KLHL3: variants seen among roughly 807,000 people sequenced by gnomAD.
The protein encoded by KLHL3 is kelch like family member 3.
In KLHL3, 19 loss-of-function variants were observed where a neutral mutation model predicts 70.5. The ratio of observed to expected loss-of-function variants is 0.27; its 90% CI spans 0.19 to 0.40. The LOEUF (loss-of-function observed/expected upper bound fraction) is 0.40, where lower values mean the gene tolerates loss of function less well. Among genes scored for constraint, KLHL3 ranks in the 10% least tolerant of loss-of-function variants. The pLI, the probability that KLHL3 is intolerant of heterozygous loss-of-function variation, is 1.00. For missense variants in KLHL3, 512 were observed against 771.1 expected (o/e 0.66, Z 3.98); for synonymous variants, 258 against 290.3 (o/e 0.89, Z 1.13).
At chr5:137,660,349 T>C (rs1751442328) in intron 7 of KLHL3, among the ~76,000 whole-genome samples, 2 of 152,126 alleles carry the variant, frequency 1.3e-5, no homozygotes, top group African/African-American at 4.8e-5. Flanking sequence ...GGTCCCCAGG[T>C]TGCCAACCCT....
Position 137,720,485 on chromosome 5 carries a change from C to T in KLHL3, c.114G>A (p.Lys38=). ...AGTACCTCCGCAGTTCATTCATAACCTTGAATGCTTTCCCCATGTGGGCAG... is the reference window on the plus strand; with the variant it reads ...AGTACCTCCGCAGTTCATTCATAACTTTGAATGCTTTCCCCATGTGGGCAG... ...VNPAHMGKAF[K]VMNELRSKQL... The change falls in exon 2 of 15, where the codon AAG becomes AAA. Residue 38 remains lysine (K), a synonymous_variant. Coordinates refer to ENST00000309755, the MANE Select transcript of KLHL3 (RefSeq NM_017415.3). The T allele has an allele frequency of 6.2e-7, 1 of 1,614,150 alleles. No homozygotes were observed.
In KLHL3 at chr5:137,712,156, C is replaced by CAAAA. The variant is rs201519598; in HGVS notation, c.135-2304_135-2301dup. On this transcript the variant is annotated intron_variant, in intron 2 of 14. Coordinates refer to ENST00000309755, the MANE Select transcript of KLHL3 (RefSeq NM_017415.3). ...CCTGGGTGACAGAGCAAGATTCTGT[C>CAAAA]AAAAAAAAAAAAAAAAAAAAAAAAA... Among the ~76,000 whole-genome samples, 79 of 74,870 alleles carry CAAAA rather than the reference C, an allele frequency of 1.1e-3. 3 individuals are homozygous for CAAAA. The highest frequency in any genetic ancestry group is 4.3e-3 in the African/African-American group (79 of 18,358). 49.1% of individuals were successfully genotyped at this position (74,870 alleles called of 152,430 possible). A position where few individuals can be genotyped will look rare whatever the true frequency, so the allele number is the denominator to read the frequency against.
chr5:137,685,607 T>C (rs1412815060), intron 5 of KLHL3, among the ~76,000 whole-genome samples: 1 of 152,242 alleles, frequency 6.6e-6, no homozygotes, highest in East Asian at 1.9e-4. Flanking sequence ...TTGAATATAT[T>C]ACCTAAATGT....
rs190522033 is a variant in KLHL3 at position 137,647,455 on chromosome 5, T to C, written c.904-7478A>G. The C allele has an allele frequency of 1.0e-4, 47 of 459,994 alleles. No individual in the cohort carries two copies. The East Asian group carries it at 2.6e-3, about 25-fold the overall frequency. The allele number at this position is 459,994 out of a possible 1,614,324, so 28.5% of individuals were successfully genotyped here. A position where few individuals can be genotyped will look rare whatever the true frequency, so the allele number is the denominator to read the frequency against. On this transcript the variant is annotated intron_variant, in intron 8 of 14. Coordinates refer to ENST00000309755, the MANE Select transcript of KLHL3 (RefSeq NM_017415.3). ...CTGGCCTCAGGACTACATAGGTCAT[T>C]CAAATTTCTACTCAGGTGAGAGGAA...
At chr5:137,731,056 G>A (rs1753165920) in intron 1 of KLHL3, among the ~76,000 whole-genome samples, 2 of 151,614 alleles carry the variant, frequency 1.3e-5, no homozygotes, top group African/African-American at 2.4e-5. Context: ...GTTTGATGAT[G>A]GCAAATTTCA....
chr5:137,662,042 A>T lies in KLHL3; in HGVS notation c.637-11T>A, dbSNP rs768644772. On this transcript the variant is annotated splice_polypyrimidine_tract_variant and intron_variant, in intron 6 of 14. Transcript: ENST00000309755. ...CACAGCTTCAAACACCTATAAAGAA[A>T]AGCAACATGGGCAACTTCAGTAAAG... is the stretch of plus-strand genomic sequence containing the variant. 2 of 1,438,920 alleles carry T rather than the reference A, an allele frequency of 1.4e-6. No individual in the cohort carries two copies. The highest frequency in any genetic ancestry group is 2.0e-6 in the Non-Finnish European group (2 of 1,024,250). The allele number at this position is 1,438,920 out of a possible 1,614,324, so 89.1% of individuals were successfully genotyped here. A position where few individuals can be genotyped will look rare whatever the true frequency, so the allele number is the denominator to read the frequency against.
chr5:137,634,415 G>A (rs79382480), intron 11 of KLHL3, among the ~76,000 whole-genome samples: 3,386 of 152,254 alleles, frequency 0.022, 59 homozygotes, highest in Non-Finnish European at 0.03. Flanking sequence ...ATAAGTACCC[G>A]CAAATACCCA....
chr5:137,704,391 C>CA (rs1287640195), intron 3 of KLHL3, among the ~76,000 whole-genome samples: 111 of 129,226 alleles, frequency 8.6e-4, no homozygotes, highest in Admixed American at 1.1e-3. Context: ...GACTCCGTCT[C>CA]AAAAAAAAAA....
At position 137,736,003 on chromosome 5, in the gene KLHL3, T is replaced by G; in HGVS notation, c.-357A>C. 2 of 398,412 alleles carry G rather than the reference T, an allele frequency of 5.0e-6. No individual in the cohort carries two copies. The highest frequency in any genetic ancestry group is 9.6e-6 in the Non-Finnish European group (2 of 209,050). The allele number at this position is 398,412 out of a possible 1,614,324, so 24.7% of individuals were successfully genotyped here. ...CCAGGTGCACTGCCACCTTTCCAGC[T>G]TCCTCTGCATCTGCCCAGGCATCCC... On this transcript the variant is annotated 5_prime_UTR_variant, in exon 1 of 15. Transcript: ENST00000309755.
At chr5:137,717,757 CAAAAGAAAAATT>C (rs1752922266) in intron 2 of KLHL3, among the ~76,000 whole-genome samples, 3 of 151,200 alleles carry the variant, frequency 2.0e-5, no homozygotes, top group South Asian at 2.1e-4. Flanking sequence ...ATTCCTTTTA[CAAAAGAAAAATT>C]AAAAGAAAAA....
chr5:137,703,534 C>G (rs1752613600), intron 3 of KLHL3, among the ~76,000 whole-genome samples: 2 of 152,204 alleles, frequency 1.3e-5, no homozygotes, highest in Admixed American at 6.5e-5. Flanking sequence ...GTCCTTAGTT[C>G]ACAGGTCCTT....
intron 2 of KLHL3, among the ~76,000 whole-genome samples, chr5:137,713,139 G>C (rs1010630117): frequency 6.8e-6 from 1 of 146,460 alleles, no homozygotes; most frequent in East Asian, 2.0e-4. Flanking sequence ...GAGGTTGAGG[G>C]GAGGAATAAC....
At chr5:137,636,656 G>T (rs1580722425) in intron 11 of KLHL3, among the ~76,000 whole-genome samples, 1 of 152,002 alleles carries the variant, frequency 6.6e-6, no homozygotes, top group South Asian at 2.1e-4. Context: ...AGAATCTGAG[G>T]CCTGCCTATC....
At chr5:137,696,090 C>G (rs1752438554) in intron 4 of KLHL3, among the ~76,000 whole-genome samples, 1 of 152,098 alleles carries the variant, frequency 6.6e-6, no homozygotes, top group African/African-American at 2.4e-5. Flanking sequence ...TTTTCTTCCT[C>G]AGATAACATG....
intron 13 of KLHL3, 102 bp downstream of exon 13, chr5:137,628,195 C>T: frequency 7.0e-7 from 1 of 1,424,472 alleles, no homozygotes; most frequent in East Asian, 2.3e-5. Context: ...GATATACGCT[C>T]AGCTCCAGAC....
At chr5:137,733,189 C>T (rs545320958) in intron 1 of KLHL3, among the ~76,000 whole-genome samples, 1 of 152,266 alleles carries the variant, frequency 6.6e-6, no homozygotes, top group East Asian at 1.9e-4. Context: ...CTCTGGACCT[C>T]AATTTCCCAG....
At chr5:137,634,288 C>T (rs1331379198) in intron 11 of KLHL3, 123 bp from the exon 12 acceptor site, 13 of 1,064,326 alleles carry the variant, frequency 1.2e-5, no homozygotes, top group Non-Finnish European at 1.7e-5. Flanking sequence ...CCCTCTTTCT[C>T]CAGGGGACCA....
intron 1 of KLHL3, among the ~76,000 whole-genome samples, chr5:137,734,415 C>G (rs1753228726): frequency 6.6e-6 from 1 of 152,216 alleles, no homozygotes. Context: ...CAGGCTCTTC[C>G]TGTGGGAGTC....
intron 12 of KLHL3, among the ~76,000 whole-genome samples, chr5:137,632,625 C>A (rs1175847643): frequency 6.6e-6 from 1 of 152,020 alleles, no homozygotes; most frequent in South Asian, 2.1e-4. Context: ...AGATGCCAAA[C>A]GGAAAGTGCA....
Sources: allele counts gnomAD v4.1 joint callset (sites outside exome capture counted in the v4.1 genomes callset), GRCh38; gene constraint gnomAD v4.1.1; transcripts MANE v1.5; gene names NCBI Gene and HGNC (gene_info 2026-07-23, HGNC 2026-07-21).